Variants in TRAPPC11 observed in about 807,000 individuals in gnomAD.
TRAPPC11 encodes foie gras homolog.
Under a neutral mutation model 151.2 loss-of-function variants are expected in TRAPPC11, and 104 were observed. That is an observed-to-expected ratio of 0.69 (90% CI 0.59 to 0.81). TRAPPC11 has a LOEUF of 0.81. Among genes scored for constraint, TRAPPC11 ranks in the 30% least tolerant of loss-of-function variants. The probability of loss-of-function intolerance (pLI) is 0.00; values close to 1 mark genes in which losing one functional copy is unlikely to be tolerated. For synonymous variants in TRAPPC11, 456 were observed against 472.3 expected (o/e 0.97, Z 0.45); for missense variants, 1,230 against 1,349.6 (o/e 0.91, Z 1.39).
chr4:183,703,443 A>C (rs1410635950), intron 26 of TRAPPC11, among the ~76,000 whole-genome samples: 3 of 152,234 alleles, frequency 2.0e-5, no homozygotes, highest in African/African-American at 7.2e-5. Flanking sequence ...TGTAGGTGTC[A>C]AAATAGCATT....
Position 183,684,401 on chromosome 4 carries a change from A to G in TRAPPC11, c.1421+42A>G, listed in dbSNP as rs771555862. The G allele has an allele frequency of 1.4e-5, 21 of 1,543,370 alleles. No homozygotes were observed. In the South Asian group the frequency reaches 2.4e-4, roughly 18 times the overall value. On this transcript the variant is annotated intron_variant, in intron 14 of 29. Transcript: ENST00000334690. ...ATTTACTTTTACAAGTATTTGGATTATCTGAAGTGAAACTGAAATAGAAAT... is the reference window on the plus strand; with the variant it reads ...ATTTACTTTTACAAGTATTTGGATTGTCTGAAGTGAAACTGAAATAGAAAT...
At chr4:183,711,182 A>G (rs1737324481) in intron 29 of TRAPPC11, among the ~76,000 whole-genome samples, 1 of 152,054 alleles carries the variant, frequency 6.6e-6, no homozygotes, top group Non-Finnish European at 1.5e-5. Flanking sequence ...TTGGACAATC[A>G]CTGACTAAAA....
At chr4:183,666,154 G>A in intron 2 of TRAPPC11, 103 bp from the exon 3 acceptor site, 2 of 994,404 alleles carry the variant, frequency 2.0e-6, no homozygotes, top group South Asian at 3.4e-5. Context: ...AATGGGAGGT[G>A]TGTATATTGA....
At chr4:183,694,951 T>C (rs923898592) in intron 23 of TRAPPC11, among the ~76,000 whole-genome samples, 4 of 149,304 alleles carry the variant, frequency 2.7e-5, no homozygotes, top group Non-Finnish European at 3.0e-5. Flanking sequence ...TTTTCTTTTT[T>C]TTTTTTTTTT....
chr4:183,664,280 T>C (rs1561024747), intron 2 of TRAPPC11, among the ~76,000 whole-genome samples: 1 of 152,202 alleles, frequency 6.6e-6, no homozygotes, highest in Admixed American at 6.5e-5. Flanking sequence ...AATTACTTTA[T>C]AAAGCTTTCT....
intron 10 of TRAPPC11, among the ~76,000 whole-genome samples, chr4:183,681,940 TATTA>T (rs1733802962): frequency 6.6e-6 from 1 of 152,200 alleles, no homozygotes; most frequent in African/African-American, 2.4e-5. Context: ...CTCACAGATT[TATTA>T]ATTAATTGTA....
chr4:183,708,350 T>C (rs1579231151), intron 28 of TRAPPC11, 57 bp from the exon 29 acceptor site: 3 of 1,534,820 alleles, frequency 2.0e-6, no homozygotes, highest in Non-Finnish European at 2.7e-6. Flanking sequence ...TAACAACATA[T>C]AGATATTGCA....
intron 28 of TRAPPC11, among the ~76,000 whole-genome samples, chr4:183,707,697 A>G (rs973130954): frequency 6.6e-6 from 1 of 152,218 alleles, no homozygotes; most frequent in African/African-American, 2.4e-5. Context: ...TAAATGCAAA[A>G]TAGAATTTTA....
At chr4:183,684,877 A>G in intron 15 of TRAPPC11, 36 bp downstream of exon 15, 1 of 1,581,340 alleles carries the variant, frequency 6.3e-7, no homozygotes, top group Non-Finnish European at 8.6e-7. Flanking sequence ...TTCTTGATAC[A>G]TAAAATTATT....
At chr4:183,698,181 A>G (rs533834635) in intron 25 of TRAPPC11, among the ~76,000 whole-genome samples, 24 of 152,282 alleles carry the variant, frequency 1.6e-4, no homozygotes, top group African/African-American at 5.8e-4. Context: ...CATAACTTGA[A>G]ATGAGAAAAG....
chr4:183,662,941 T>C (rs1351269254), intron 1 of TRAPPC11, among the ~76,000 whole-genome samples: 1 of 152,224 alleles, frequency 6.6e-6, no homozygotes, highest in East Asian at 1.9e-4. Flanking sequence ...TTTTCTTAAA[T>C]GTCATATAGT....
At chr4:183,663,329 GT>G (rs772925457) in intron 1 of TRAPPC11, among the ~76,000 whole-genome samples, 4 of 152,258 alleles carry the variant, frequency 2.6e-5, no homozygotes, top group East Asian at 1.9e-4. Flanking sequence ...CACCTCCCGG[GT>G]TCACGCCATT....
At chr4:183,672,851 G>A (rs1198663209) in intron 5 of TRAPPC11, among the ~76,000 whole-genome samples, 1 of 151,988 alleles carries the variant, frequency 6.6e-6, no homozygotes, top group Non-Finnish European at 1.5e-5. Context: ...CTATTGAGAA[G>A]GATTTTTTGT....
intron 23 of TRAPPC11, among the ~76,000 whole-genome samples, chr4:183,695,992 G>A (rs750901739): frequency 1.3e-5 from 2 of 152,126 alleles, no homozygotes; most frequent in Non-Finnish European, 2.9e-5. Context: ...GACTGCATGA[G>A]TTGAGCATCC....
chr4:183,693,504 C>A, intron 20 of TRAPPC11, 85 bp from the exon 21 acceptor site: 3 of 1,425,224 alleles, frequency 2.1e-6, no homozygotes, highest in Non-Finnish European at 2.8e-6. Context: ...CTGCACCCAG[C>A]CTCTTATTTC....
rs946618290 is a variant in TRAPPC11 at position 183,708,588 on chromosome 4, A to G, written c.3357+14A>G. On this transcript the variant is annotated intron_variant, in intron 29 of 29. Transcript: ENST00000334690. The stretch of plus-strand genomic sequence containing the variant: ...ATTTTTGTCAAGGTAAAGCTTAGCA[A>G]TTTTCTGCTTTTTAAATTCAAAGTC... 1 of 1,607,012 alleles carries G rather than the reference A, an allele frequency of 6.2e-7. No homozygotes were observed. Among genetic ancestry groups the G allele is most frequent in the South Asian group, 1.1e-5 (1 of 89,304 alleles).
At chr4:183,663,753 TTTGAGACAGAG>T in intron 1 of TRAPPC11, 83 bp from the exon 2 acceptor site, 8 of 531,032 alleles carry the variant, frequency 1.5e-5, no homozygotes, top group Non-Finnish European at 1.6e-5. Context: ...TTTTTTTTTT[TTTGAGACAGAG>T]TTTTGCTCTT....
At position 183,663,861 on chromosome 4, in the gene TRAPPC11, C is replaced by T. The variant is rs370618098; in HGVS notation, c.-7C>T. 5.8e-5 allele frequency: 91 copies of T among 1,576,550 alleles called. No individual in the cohort carries two copies. Among genetic ancestry groups the T allele is most frequent in the East Asian group, 7.0e-5 (3 of 42,692 alleles). On this transcript the variant is annotated 5_prime_UTR_variant, in exon 2 of 30. Transcript: ENST00000334690. ...TTGTATTTCAGGTTTTTTGTGACATCGTAAACATGAGCCCCACACAGTGGG... is the reference window on the plus strand; with the variant it reads ...TTGTATTTCAGGTTTTTTGTGACATTGTAAACATGAGCCCCACACAGTGGG...
At chr4:183,696,599 G>A (rs931246273) in intron 23 of TRAPPC11, among the ~76,000 whole-genome samples, 3 of 152,044 alleles carry the variant, frequency 2.0e-5, no homozygotes, top group Non-Finnish European at 4.4e-5. Context: ...GTTGTGCCAT[G>A]TTGCTCAGGC....
Sources: gnomAD v4.1 joint callset for allele counts (sites outside exome capture counted in the v4.1 genomes callset) on GRCh38, gnomAD v4.1.1 for gene constraint, MANE v1.5 for transcripts, NCBI Gene and HGNC (gene_info 2026-07-23, HGNC 2026-07-21) for gene names.